Variants in FER observed in about 807,000 individuals in gnomAD.
The protein encoded by FER is FER tyrosine kinase.
In FER, 63 loss-of-function variants were observed where a neutral mutation model predicts 111.0. The ratio of observed to expected loss-of-function variants is 0.57; its 90% CI spans 0.46 to 0.70. The LOEUF (loss-of-function observed/expected upper bound fraction) is 0.70, where lower values mean the gene tolerates loss of function less well. FER is among the 30% of genes least tolerant of loss of function. The pLI, the probability that FER is intolerant of heterozygous loss-of-function variation, is 0.00. For synonymous variants in FER, 327 were observed against 313.9 expected, an observed-to-expected ratio of 1.04 and a Z score of -0.44; for missense variants, 914 against 954.0, an observed-to-expected ratio of 0.96 and a Z score of 0.55.
chr5:109,079,339 G>A (rs1776724903), intron 16 of FER, among the ~76,000 whole-genome samples: 1 of 152,024 alleles, frequency 6.6e-6, no homozygotes, highest in South Asian at 2.1e-4. Context: ...ATTGGGAGGG[G>A]TGGGGAAAAC....
intron 7 of FER, 89 bp downstream of exon 7, chr5:108,871,591 C>T (rs1764605718): frequency 1.1e-6 from 1 of 926,542 alleles, no homozygotes; most frequent in South Asian, 2.6e-5. Context: ...ATAAGAAATA[C>T]TTAAGATCTT....
chr5:108,908,766 G>A (rs1475578364), intron 10 of FER, among the ~76,000 whole-genome samples: 2 of 152,054 alleles, frequency 1.3e-5, no homozygotes, highest in Non-Finnish European at 2.9e-5. Flanking sequence ...CAGGTGTGGT[G>A]GCTGGCTCAT....
chr5:108,842,844 A>G (rs1036189497), intron 5 of FER: 1 of 152,226 alleles, frequency 6.6e-6, no homozygotes, highest in Non-Finnish European at 1.5e-5. Flanking sequence ...CAGAGTGGAG[A>G]TTCCTTTAAG....
At chr5:108,891,147 A>G (rs554074715) in intron 9 of FER, among the ~76,000 whole-genome samples, 2 of 152,218 alleles carry the variant, frequency 1.3e-5, no homozygotes, top group East Asian at 1.9e-4. Context: ...CATCTTTTCA[A>G]TGTGCTGGTT....
At chr5:108,760,413 G>T (rs79313513) in intron 1 of FER, among the ~76,000 whole-genome samples, 21 of 152,062 alleles carry the variant, frequency 1.4e-4, no homozygotes, top group Non-Finnish European at 4.4e-5. Context: ...TTGAAGTCAC[G>T]CATTAACTTT....
At chr5:108,982,232 A>G (rs1007328619) in intron 13 of FER, among the ~76,000 whole-genome samples, 3 of 152,132 alleles carry the variant, frequency 2.0e-5, no homozygotes, top group Non-Finnish European at 4.4e-5. Flanking sequence ...CCTGTAACAT[A>G]AAGTAATCTA....
intron 9 of FER, among the ~76,000 whole-genome samples, chr5:108,895,886 C>G (rs1471339594): frequency 4.6e-5 from 7 of 152,100 alleles, no homozygotes; most frequent in Admixed American, 2.6e-4. Context: ...TGTGCCTTGT[C>G]ATTTCTGATT....
At position 109,193,721 on chromosome 5, in the gene FER, T is replaced by G. The variant is rs1759536962; in HGVS notation, c.*6146T>G. 2 of 152,134 alleles carry G rather than the reference T, an allele frequency of 1.3e-5. No individual in the cohort carries two copies. The highest frequency in any genetic ancestry group is 1.5e-5 in the Non-Finnish European group (1 of 68,020). 9.4% of individuals were successfully genotyped at this position (152,134 alleles called of 1,614,324 possible). ...ACTATTTCCTTTTCTCATCTTTAGTTTTTCAAGATTTTGCTTTACCAAAAT... is the reference window on the plus strand; with the variant it reads ...ACTATTTCCTTTTCTCATCTTTAGTGTTTCAAGATTTTGCTTTACCAAAAT... On this transcript the variant is annotated 3_prime_UTR_variant, in exon 20 of 20. Coordinates refer to ENST00000281092, the MANE Select transcript of FER (RefSeq NM_005246.4).
At position 108,836,171 on chromosome 5, in the gene FER, C is replaced by G. The variant is rs1760639230; in HGVS notation, c.481+364C>G. ...GAAACTTTTAAAATCTTCTTTTTTACCTGTATTATTTAAGTCATTAAAACC... is the reference window on the plus strand; with the variant it reads ...GAAACTTTTAAAATCTTCTTTTTTAGCTGTATTATTTAAGTCATTAAAACC... On this transcript the variant is annotated intron_variant, in intron 5 of 19. Coordinates refer to ENST00000281092, the MANE Select transcript of FER (RefSeq NM_005246.4). 7.2e-5 allele frequency among the ~76,000 whole-genome samples: 11 copies of G among 151,998 alleles called. 1 individual carries two copies. The South Asian group carries it at 2.3e-3, about 32-fold the overall frequency.
intron 17 of FER, among the ~76,000 whole-genome samples, chr5:109,120,035 A>G (rs1750767218): frequency 6.6e-6 from 1 of 152,098 alleles, no homozygotes; most frequent in Non-Finnish European, 1.5e-5. Context: ...ACCCCTTCTC[A>G]GAAGGATAGT....
At chr5:108,912,720 A>G (rs1025936594) in intron 10 of FER, among the ~76,000 whole-genome samples, 1 of 152,156 alleles carries the variant, frequency 6.6e-6, no homozygotes, top group African/African-American at 2.4e-5. Flanking sequence ...ACATGACGCT[A>G]TGAAAGAAGA....
At chr5:108,803,697 C>CT (rs1756911469) in intron 3 of FER, among the ~76,000 whole-genome samples, 1 of 150,508 alleles carries the variant, frequency 6.6e-6, no homozygotes, top group South Asian at 2.1e-4. Flanking sequence ...GTCTATGTGT[C>CT]TTTTTTTGTA....
chr5:108,834,674 G>A (rs2150136962), intron 4 of FER, among the ~76,000 whole-genome samples: 1 of 150,328 alleles, frequency 6.7e-6, no homozygotes. Context: ...CTAACAGCCT[G>A]GGCAACAGAG....
intron 10 of FER, among the ~76,000 whole-genome samples, chr5:108,926,206 C>G (rs915458524): frequency 6.6e-6 from 1 of 150,414 alleles, no homozygotes; most frequent in Non-Finnish European, 1.5e-5. Flanking sequence ...GATATATATT[C>G]TTTTATTATC....
rs73213522 is a variant in FER, at chr5:109,056,882, G to A, written c.1924+9684G>A. On this transcript the variant is annotated intron_variant, in intron 16 of 19. Transcript: ENST00000281092. ...TCTTAAAATCAGGTAGTATTAGTCC[G>A]GTTTATTCTTCTTTTTCAGATTCTT... Among the ~76,000 whole-genome samples, 1,489 of 152,050 alleles carry A rather than the reference G, an allele frequency of 9.8e-3. 26 individuals carry two copies. Among genetic ancestry groups the A allele is most frequent in the African/African-American group, 0.033 (1,358 of 41,476 alleles).
intron 13 of FER, among the ~76,000 whole-genome samples, chr5:108,992,302 G>A (rs543289883): frequency 3.9e-5 from 6 of 152,308 alleles, no homozygotes; most frequent in African/African-American, 1.2e-4. Context: ...GCAATCATCC[G>A]ATTTCTCAAT....
chr5:109,088,303 C>G (rs554006187), intron 16 of FER, among the ~76,000 whole-genome samples: 12 of 152,020 alleles, frequency 7.9e-5, no homozygotes, highest in Non-Finnish European at 1.0e-4. Flanking sequence ...AGTTGCTAAT[C>G]TAATTTTCTT....
chr5:108,903,166 TTTA>T (rs1484258788), intron 10 of FER, among the ~76,000 whole-genome samples: 18 of 152,198 alleles, frequency 1.2e-4, no homozygotes, highest in African/African-American at 3.9e-4. Context: ...GAATTTCTAC[TTTA>T]TAAATGTAAT....
chr5:109,023,326 C>A (rs1229027424), intron 13 of FER, among the ~76,000 whole-genome samples: 1 of 152,064 alleles, frequency 6.6e-6, no homozygotes, highest in East Asian at 1.9e-4. Context: ...GAGAGAAACA[C>A]AGTTTTTTAG....
Sources: gnomAD v4.1 joint callset for allele counts (sites outside exome capture counted in the v4.1 genomes callset) on GRCh38, gnomAD v4.1.1 for gene constraint, MANE v1.5 for transcripts, NCBI Gene and HGNC (gene_info 2026-07-23, HGNC 2026-07-21) for gene names.